The following TRIM66 variants were observed in gnomAD, a reference collection of about 807,000 sequenced individuals.
TRIM66 encodes the protein tripartite motif containing 66.
A neutral mutation model predicts 148.2 loss-of-function variants in TRIM66; 99 were observed. That is an observed-to-expected ratio of 0.67 (90% CI 0.57 to 0.79). The LOEUF is 0.79. Ranked by LOEUF, TRIM66 falls within the 30% of genes least tolerant of loss-of-function variation. The pLI, the probability that TRIM66 is intolerant of heterozygous loss-of-function variation, is 0.00. For synonymous variants in TRIM66, 616 were observed against 635.9 expected (o/e 0.97, Z 0.47); for missense variants, 1,666 against 1,697.9 (o/e 0.98, Z 0.33).
At position 8,646,496 on chromosome 11, in the gene TRIM66, A is replaced by G; in HGVS notation, c.908T>C (p.Leu303Pro). ...ENQIKMAKMVLMNELNKQANG... is the reference protein window; with the variant it reads ...ENQIKMAKMVPMNELNKQANG... Reference sequence around the variant, plus strand: ...GGCCTGTTTGTTCAGCTCATTCATCAGAACCATCTTGGCCATTTTGATCTG... The same window carrying G: ...GGCCTGTTTGTTCAGCTCATTCATCGGAACCATCTTGGCCATTTTGATCTG... Residue 303 changes from leucine (L) to proline (P), a missense_variant, in exon 11 of 25, where the codon CTG becomes CCG. Physicochemically the swap from Leu to Pro is moderately conservative, Grantham distance 98. Transcript: ENST00000646038. 1 of 1,552,262 alleles carries G rather than the reference A, an allele frequency of 6.4e-7. No individual in the cohort carries two copies. Among genetic ancestry groups the G allele is most frequent in the Non-Finnish European group, 8.7e-7 (1 of 1,147,110 alleles).
Position 8,645,779 on chromosome 11 carries a change from T to C in TRIM66, c.1066A>G (p.Ser356Gly). ...AAAAGAAAAGGGACACTGGTTTTGC[T>C]GCAGACAGCCCAGTTGATGAAATTC... ...VQNFINWAVC[S>G]KTSVPFLFSK... The change falls in exon 12 of 25, where the codon AGC (serine) becomes GGC (glycine). Residue 356 changes from serine (S) to glycine (G), a missense_variant. Physicochemically the swap from Ser to Gly is moderately conservative, Grantham distance 56. This residue lies in a region of TRIM66 where 1,431 missense variants were observed against 1,412.4 expected (regional missense o/e 1.01). Transcript: ENST00000646038. 1.3e-6 allele frequency: 2 copies of C among 1,551,788 alleles called. No homozygotes were observed. Among genetic ancestry groups the C allele is most frequent in the East Asian group, 2.4e-5 (1 of 40,926 alleles).
chr11:8,629,773 G>C (rs965237125), intron 15 of TRIM66, among the ~76,000 whole-genome samples: 12 of 152,210 alleles, frequency 7.9e-5, no homozygotes, highest in African/African-American at 2.9e-4. Context: ...ATACTTGACT[G>C]ATTTATTTCC....
At chr11:8,647,096 TATA>T (rs1192987330) in intron 10 of TRIM66, among the ~76,000 whole-genome samples, 1 of 149,382 alleles carries the variant, frequency 6.7e-6, no homozygotes, top group African/African-American at 2.4e-5. Flanking sequence ...AAACATATAA[TATA>T]ATGTTTATTA....
At chr11:8,672,794 G>C (rs1289171612) in intron 4 of TRIM66, among the ~76,000 whole-genome samples, 1 of 151,898 alleles carries the variant, frequency 6.6e-6, no homozygotes, top group Non-Finnish European at 1.5e-5. Context: ...ACCACATGCG[G>C]CTAATTTTTT....
In TRIM66 at chr11:8,640,342, T is replaced by C; in HGVS notation, c.2033A>G (p.Gln678Arg). 6.4e-7 allele frequency: 1 copy of C among 1,551,790 alleles called. No individual in the cohort carries two copies. Among genetic ancestry groups the C allele is most frequent in the Non-Finnish European group, 8.7e-7 (1 of 1,147,042 alleles). ...LLLQAQQPSL[Q>R]LSQTKSPQHL... Reference sequence around the variant, plus strand: ...CTGAGGAGATTTGGTCTGACTCAGTTGCAGGCTGGGCTGTTGAGCCTGGAG... The same window carrying C: ...CTGAGGAGATTTGGTCTGACTCAGTCGCAGGCTGGGCTGTTGAGCCTGGAG... Residue 678 changes from glutamine to arginine, a missense_variant, in exon 14 of 25, where the codon CAA becomes CGA. By Grantham distance (43) the Gln-to-Arg change is conservative. Around this residue, in one of 3 missense-constraint regions of TRIM66, gnomAD observed 1,431 missense variants for 1,412.4 expected, o/e 1.01. Transcript: ENST00000646038.
chr11:8,648,738 C>T (rs776047742), intron 8 of TRIM66, among the ~76,000 whole-genome samples, 190 bp from the exon 9 acceptor site: 1 of 152,180 alleles, frequency 6.6e-6, no homozygotes, highest in Non-Finnish European at 1.5e-5. Flanking sequence ...GCTGGATTTG[C>T]CCAGTTGTCC....
At chr11:8,663,887 C>T (rs1258259943) in intron 6 of TRIM66, among the ~76,000 whole-genome samples, 1 of 152,020 alleles carries the variant, frequency 6.6e-6, no homozygotes, top group Non-Finnish European at 1.5e-5. Context: ...AAGACAAATA[C>T]TGTATAAGCT....
intron 6 of TRIM66, among the ~76,000 whole-genome samples, chr11:8,657,989 G>A (rs927699008): frequency 2.0e-5 from 3 of 152,242 alleles, no homozygotes; most frequent in South Asian, 2.1e-4. Context: ...AGAGGATGGC[G>A]CTTACCAAGC....
chr11:8,626,926 ATGGAC>A (rs1464464553), intron 15 of TRIM66, among the ~76,000 whole-genome samples: 1 of 152,100 alleles, frequency 6.6e-6, no homozygotes, highest in Non-Finnish European at 1.5e-5. Flanking sequence ...CCCCCTTCAG[ATGGAC>A]TGCTTTCTCT....
chr11:8,639,894 T>C (rs1487254475), intron 14 of TRIM66, among the ~76,000 whole-genome samples: 4 of 152,200 alleles, frequency 2.6e-5, no homozygotes, highest in African/African-American at 9.7e-5. Flanking sequence ...ACAGCCTCTC[T>C]TCTGCTCTGG....
chr11:8,624,153 C>T (rs1203997489), intron 17 of TRIM66, among the ~76,000 whole-genome samples: 1 of 152,192 alleles, frequency 6.6e-6, no homozygotes, highest in African/African-American at 2.4e-5. Flanking sequence ...AAGTCCTGGC[C>T]ATGCCTAGAT....
At chr11:8,622,365 CATAT>C (rs1217954064) in intron 18 of TRIM66, among the ~76,000 whole-genome samples, 4,835 of 59,662 alleles carry the variant, frequency 0.081, 537 homozygotes, top group Non-Finnish European at 0.13. Context: ...CACACACACA[CATAT>C]ATATATATAT....
At chr11:8,664,577 C>T (rs747301296) in intron 6 of TRIM66, among the ~76,000 whole-genome samples, 1 of 152,098 alleles carries the variant, frequency 6.6e-6, no homozygotes, top group Non-Finnish European at 1.5e-5. Flanking sequence ...AAAGATAATG[C>T]CTGTACAGTG....
intron 4 of TRIM66, 122 bp from the exon 5 acceptor site, chr11:8,672,507 G>A (rs2038983530): frequency 2.7e-6 from 3 of 1,102,508 alleles, no homozygotes; most frequent in South Asian, 3.5e-5. Flanking sequence ...AACCAAGAGG[G>A]ACAGGCTGAG....
At chr11:8,645,699 A>G in intron 12 of TRIM66, 42 bp downstream of exon 12, 1 of 1,549,574 alleles carries the variant, frequency 6.5e-7, no homozygotes. Context: ...ATGCTCTGAT[A>G]AGCTTCAAGG....
chr11:8,659,922 G>A (rs1271181698), intron 6 of TRIM66, among the ~76,000 whole-genome samples: 2 of 152,100 alleles, frequency 1.3e-5, no homozygotes, highest in Non-Finnish European at 2.9e-5. Context: ...CTGTCACCCA[G>A]GCTGGAGTGT....
intron 6 of TRIM66, among the ~76,000 whole-genome samples, chr11:8,669,128 G>C (rs1413920710): frequency 2.0e-5 from 3 of 152,144 alleles, no homozygotes; most frequent in African/African-American, 7.2e-5. Context: ...GACAAAAGGT[G>C]CCACCACTGC....
At chr11:8,619,151 C>A (rs1399878071) in intron 23 of TRIM66, 183 bp from the exon 24 acceptor site, 3 of 718,014 alleles carry the variant, frequency 4.2e-6, no homozygotes, top group Non-Finnish European at 6.8e-6. Context: ...CAGAAGTGAC[C>A]CCAACAGGTA....
At chr11:8,683,007 G>A (rs780156130), upstream of TRIM66, 33 of 879,110 alleles carry the variant, frequency 3.8e-5, no homozygotes, top group Non-Finnish European at 5.5e-5. Flanking sequence ...CCGCGGTTCG[G>A]ATCTCTAGGA....
Sources: allele counts gnomAD v4.1 joint callset (sites outside exome capture counted in the v4.1 genomes callset), GRCh38; gene constraint gnomAD v4.1.1; regional missense constraint gnomAD v4.1.1; transcripts MANE v1.5; gene names NCBI Gene and HGNC (gene_info 2026-07-23, HGNC 2026-07-21).